The following B3GALT1 variants were observed in gnomAD, a reference collection of about 807,000 sequenced individuals.
The protein encoded by B3GALT1 is beta-1,3-galactosyltransferase 1.
Under a neutral mutation model 23.2 loss-of-function variants are expected in B3GALT1, and 10 were observed. The ratio of observed to expected loss-of-function variants is 0.43; its 90% CI spans 0.27 to 0.73. The LOEUF is 0.73. Ranked by LOEUF, B3GALT1 falls within the 30% of genes least tolerant of loss-of-function variation. The probability of loss-of-function intolerance (pLI) is 0.21; values close to 1 mark genes in which losing one functional copy is unlikely to be tolerated. For synonymous variants in B3GALT1, 156 were observed against 141.5 expected, an observed-to-expected ratio of 1.10 and a Z score of -0.73; for missense variants, 299 against 405.4, an observed-to-expected ratio of 0.74 and a Z score of 2.25.
intron 4 of B3GALT1, among the ~76,000 whole-genome samples, chr2:167,832,816 T>C (rs1170183851): frequency 1.3e-5 from 2 of 152,178 alleles, no homozygotes; most frequent in Non-Finnish European, 2.9e-5. Context: ...GGTAGTGCAG[T>C]GTAGTAGTTA....
intron 2 of B3GALT1, among the ~76,000 whole-genome samples, chr2:167,595,612 A>G (rs1050059759): frequency 2.0e-5 from 3 of 152,228 alleles, no homozygotes; most frequent in African/African-American, 7.2e-5. Flanking sequence ...ACCCCTAACA[A>G]TGCCCAATGT....
chr2:167,306,828 G>T (rs1175868260), intron 1 of B3GALT1, among the ~76,000 whole-genome samples: 2 of 151,840 alleles, frequency 1.3e-5, no homozygotes, highest in Non-Finnish European at 2.9e-5. Flanking sequence ...AACACTCTTT[G>T]CCCTGCTCAG....
At chr2:167,611,365 G>T (rs1190890119) in intron 2 of B3GALT1, among the ~76,000 whole-genome samples, 4 of 151,664 alleles carry the variant, frequency 2.6e-5, no homozygotes, top group African/African-American at 9.7e-5. Context: ...TTAAAATATA[G>T]CAAACTGCCC....
intron 3 of B3GALT1, among the ~76,000 whole-genome samples, chr2:167,797,493 C>A (rs1425284205): frequency 6.6e-6 from 1 of 152,122 alleles, no homozygotes; most frequent in Non-Finnish European, 1.5e-5. Flanking sequence ...GGTATATACC[C>A]AGTAATGGGA....
Position 167,834,551 on chromosome 2 carries a change from T to G in B3GALT1, c.-230+15758T>G, listed in dbSNP as rs182070601. Among the ~76,000 whole-genome samples the G allele has an allele frequency of 2.0e-3, 304 of 152,324 alleles. 2 individuals are homozygous for G. Among genetic ancestry groups the G allele is most frequent in the Admixed American group, 5.2e-3 (80 of 15,304 alleles). On this transcript the variant is annotated intron_variant, in intron 4 of 4. Coordinates refer to ENST00000392690, the MANE Select transcript of B3GALT1 (RefSeq NM_020981.4). ...TTACTTTGGTTACAAATGGTTAGAC[T>G]TTCTACAAATGTTCTCCCCATAAGA...
At chr2:167,482,159 C>T (rs879425796) in intron 1 of B3GALT1, among the ~76,000 whole-genome samples, 15 of 152,154 alleles carry the variant, frequency 9.9e-5, no homozygotes, top group Non-Finnish European at 2.1e-4. Flanking sequence ...ATAAAGACAT[C>T]TCTCCTCACA....
At chr2:167,385,050 C>T (rs1050799505) in intron 1 of B3GALT1, among the ~76,000 whole-genome samples, 1 of 152,080 alleles carries the variant, frequency 6.6e-6, no homozygotes, top group African/African-American at 2.4e-5. Flanking sequence ...ACCTTTACCA[C>T]AGTCAGGTGC....
chr2:167,661,536 G>A (rs143100330), intron 3 of B3GALT1, among the ~76,000 whole-genome samples: 1 of 152,004 alleles, frequency 6.6e-6, no homozygotes, highest in African/African-American at 2.4e-5. Flanking sequence ...ACCTAGATGG[G>A]AGCCGTCCTG....
chr2:167,752,704 A>G (rs1359070951), intron 3 of B3GALT1, among the ~76,000 whole-genome samples: 1 of 151,944 alleles, frequency 6.6e-6, no homozygotes, highest in Admixed American at 6.6e-5. Flanking sequence ...CTAGGTGAAC[A>G]AAGCTCCGAA....
chr2:167,728,376 G>A (rs1292750618), intron 3 of B3GALT1, among the ~76,000 whole-genome samples: 4 of 152,142 alleles, frequency 2.6e-5, no homozygotes, highest in African/African-American at 9.7e-5. Context: ...GACAGCGTGA[G>A]ACTCCATCAA....
At chr2:167,404,008 G>A (rs1426761827) in intron 1 of B3GALT1, among the ~76,000 whole-genome samples, 2 of 152,120 alleles carry the variant, frequency 1.3e-5, no homozygotes, top group African/African-American at 4.8e-5. Flanking sequence ...CCAGGGCTGA[G>A]TAATTGTGAA....
At chr2:167,653,684 G>A (rs1043190587) in intron 3 of B3GALT1, among the ~76,000 whole-genome samples, 3 of 151,998 alleles carry the variant, frequency 2.0e-5, no homozygotes, top group Non-Finnish European at 2.9e-5. Flanking sequence ...CTCATTTGCC[G>A]AGCAGTACCT....
chr2:167,500,209 C>T (rs916217776), intron 2 of B3GALT1, among the ~76,000 whole-genome samples: 2 of 152,096 alleles, frequency 1.3e-5, no homozygotes, highest in Non-Finnish European at 2.9e-5. Flanking sequence ...AGTTCTCAAC[C>T]TCTGTCAATC....
intron 4 of B3GALT1, among the ~76,000 whole-genome samples, chr2:167,821,618 A>AAAGAC (rs1010128711): frequency 8.6e-5 from 13 of 151,896 alleles, no homozygotes; most frequent in African/African-American, 3.1e-4. Context: ...TATTTTTAGT[A>AAAGAC]AAGACAGGGT....
At chr2:167,566,488 A>G (rs1490007520) in intron 2 of B3GALT1, among the ~76,000 whole-genome samples, 1 of 151,886 alleles carries the variant, frequency 6.6e-6, no homozygotes, top group Non-Finnish European at 1.5e-5. Context: ...GTACCCTAAA[A>G]CTTAAAGTAT....
intron 1 of B3GALT1, among the ~76,000 whole-genome samples, chr2:167,342,838 AGT>A (rs1697170387): frequency 6.6e-6 from 1 of 152,118 alleles, no homozygotes; most frequent in Non-Finnish European, 1.5e-5. Flanking sequence ...CCATTATCAC[AGT>A]GTGTTACATC....
chr2:167,634,864 C>G (rs1009342745), intron 2 of B3GALT1, among the ~76,000 whole-genome samples: 1 of 152,022 alleles, frequency 6.6e-6, no homozygotes, highest in African/African-American at 2.4e-5. Flanking sequence ...AGGCCAGCAT[C>G]CTGATACCAA....
intron 3 of B3GALT1, among the ~76,000 whole-genome samples, chr2:167,735,418 A>G (rs911512227): frequency 9.2e-5 from 14 of 152,344 alleles, no homozygotes; most frequent in African/African-American, 3.4e-4. Flanking sequence ...AAACATCTCA[A>G]TGGGCCAACC....
chr2:167,484,283 T>C (rs2105338085), intron 1 of B3GALT1, among the ~76,000 whole-genome samples: 1 of 152,272 alleles, frequency 6.6e-6, no homozygotes. Flanking sequence ...CTGTACTAAG[T>C]ACTTTATGTC....
Sources: allele counts gnomAD v4.1 joint callset (sites outside exome capture counted in the v4.1 genomes callset), GRCh38; gene constraint gnomAD v4.1.1; transcripts MANE v1.5; gene names NCBI Gene and HGNC (gene_info 2026-07-23, HGNC 2026-07-21).